MCC: variants seen among roughly 807,000 people sequenced by gnomAD.
MCC encodes the protein MCC regulator of Wnt signaling pathway.
Under a neutral mutation model 116.2 loss-of-function variants are expected in MCC, and 90 were observed. The ratio of observed to expected loss-of-function variants is 0.77; its 90% CI spans 0.65 to 0.92. MCC has a LOEUF of 0.92. MCC is among the 40% of genes least tolerant of loss of function. The pLI, the probability that MCC is intolerant of heterozygous loss-of-function variation, is 0.00. For missense variants in MCC, 1,516 were observed against 1,312.2 expected, an observed-to-expected ratio of 1.16 and a Z score of -2.40; for synonymous variants, 578 against 510.5, an observed-to-expected ratio of 1.13 and a Z score of -1.78.
chr5:113,126,101 C>G lies in MCC; in HGVS notation c.885-3275G>C, dbSNP rs570377185. Among the ~76,000 whole-genome samples the G allele has an allele frequency of 2.0e-5, 3 of 152,280 alleles. No homozygotes were observed. The South Asian group carries it at 6.2e-4, about 32-fold the overall frequency. On this transcript the variant is annotated intron_variant, in intron 5 of 18. Transcript: ENST00000408903. ...ACATAAAGGGTCAACTCACAGGATT[C>G]CAAATGCATATTCTTTCATTCATGT... is the stretch of plus-strand genomic sequence containing the variant.
chr5:113,267,281 T>C (rs1026280292), intron 3 of MCC, among the ~76,000 whole-genome samples: 1 of 152,042 alleles, frequency 6.6e-6, no homozygotes, highest in Non-Finnish European at 1.5e-5. Flanking sequence ...CCCAAGAGAC[T>C]CTTGGGTCTG....
intron 3 of MCC, among the ~76,000 whole-genome samples, chr5:113,334,032 T>G (rs927462948): frequency 6.9e-6 from 1 of 145,356 alleles, no homozygotes; most frequent in Non-Finnish European, 1.5e-5. Context: ...TGTACATCAA[T>G]TAATACTTTT....
chr5:113,043,378 G>C (rs928554109), intron 17 of MCC, 152 bp downstream of exon 17: 17 of 691,290 alleles, frequency 2.5e-5, no homozygotes, highest in Non-Finnish European at 4.1e-5. Flanking sequence ...GAAAGGCCTG[G>C]CACCAACAGG....
intron 1 of MCC, chr5:113,399,967 G>C (rs1051836299): frequency 1.3e-5 from 2 of 152,046 alleles, no homozygotes; most frequent in East Asian, 3.9e-4. Flanking sequence ...ATGACTAAAA[G>C]CCAACATTCA....
At chr5:113,268,413 C>T (rs1349585947) in intron 3 of MCC, among the ~76,000 whole-genome samples, 1 of 152,136 alleles carries the variant, frequency 6.6e-6, no homozygotes, top group Non-Finnish European at 1.5e-5. Flanking sequence ...TAGGATGTAC[C>T]ACTGTCATCA....
chr5:113,428,970 G>C (rs1421103419), intron 1 of MCC, among the ~76,000 whole-genome samples: 1 of 152,136 alleles, frequency 6.6e-6, no homozygotes. Context: ...TAATAACCTA[G>C]ACCTATTAAG....
At chr5:113,201,766 T>C (rs1762690334) in intron 3 of MCC, among the ~76,000 whole-genome samples, 1 of 152,192 alleles carries the variant, frequency 6.6e-6, no homozygotes, top group South Asian at 2.1e-4. Context: ...CAAGACAACA[T>C]GCCTTTCTCC....
chr5:113,048,873 G>T (rs1029313432), intron 16 of MCC: 74 of 591,936 alleles, frequency 1.3e-4, no homozygotes, highest in South Asian at 5.9e-4. Context: ...ATGTGAAAAG[G>T]TTCAACTATT....
At chr5:113,362,019 T>C (rs900953058) in intron 2 of MCC, among the ~76,000 whole-genome samples, 3 of 152,222 alleles carry the variant, frequency 2.0e-5, no homozygotes, top group Admixed American at 2.0e-4. Context: ...GTGGGGCTTC[T>C]CAGACTCCAT....
chr5:113,118,734 T>G lies in MCC; in HGVS notation c.1027+3950A>C, dbSNP rs367999780. ...TGGTGCTTACATATGGAAGCTTTTT[T>G]CCTGTTGAAAAAATTTAATTGGAAA... On this transcript the variant is annotated intron_variant, in intron 6 of 18. Coordinates refer to ENST00000408903, the MANE Select transcript of MCC (RefSeq NM_001085377.2). 1.6e-4 allele frequency among the ~76,000 whole-genome samples: 24 copies of G among 152,336 alleles called. No individual in the cohort carries two copies. The East Asian group carries it at 4.6e-3, about 29-fold the overall frequency.
intron 1 of MCC, among the ~76,000 whole-genome samples, chr5:113,409,311 C>A (rs1421691281): frequency 6.6e-6 from 1 of 152,082 alleles, no homozygotes; most frequent in Non-Finnish European, 1.5e-5. Context: ...TTCTCATAAA[C>A]AACAAAAACG....
intron 2 of MCC, among the ~76,000 whole-genome samples, chr5:113,377,121 C>A (rs775277022): frequency 1.3e-5 from 2 of 152,166 alleles, no homozygotes; most frequent in Non-Finnish European, 2.9e-5. Context: ...TCCTTTGAAT[C>A]CATCCATGCT....
At chr5:113,230,419 T>C (rs983888559) in intron 3 of MCC, among the ~76,000 whole-genome samples, 5 of 152,196 alleles carry the variant, frequency 3.3e-5, no homozygotes, top group African/African-American at 1.2e-4. Flanking sequence ...CAATGTGATA[T>C]CACAAATGTT....
At chr5:113,470,968 G>C (rs191044115) in intron 1 of MCC, among the ~76,000 whole-genome samples, 1 of 152,228 alleles carries the variant, frequency 6.6e-6, no homozygotes, top group Admixed American at 6.5e-5. Context: ...CCAGTTGATT[G>C]CATCGGCTAC....
intron 1 of MCC, among the ~76,000 whole-genome samples, chr5:113,394,674 C>T (rs1769482237): frequency 2.6e-5 from 4 of 152,202 alleles, no homozygotes; most frequent in Admixed American, 2.6e-4. Context: ...ACTTGAACAG[C>T]GTCTCCTTCA....
chr5:113,424,487 G>C (rs1474980736), intron 1 of MCC, among the ~76,000 whole-genome samples: 1 of 152,152 alleles, frequency 6.6e-6, no homozygotes. Flanking sequence ...GGCCAAGGCG[G>C]GTGGATCACT....
At chr5:113,143,070 TAGA>T (rs1345023940) in intron 5 of MCC, 145 bp downstream of exon 5, 6 of 837,480 alleles carry the variant, frequency 7.2e-6, no homozygotes, top group Non-Finnish European at 3.5e-6. Context: ...TCAAAAGCCT[TAGA>T]TACAAAGAAA....
chr5:113,154,330 T>G (rs1760050345), intron 3 of MCC, among the ~76,000 whole-genome samples: 1 of 152,250 alleles, frequency 6.6e-6, no homozygotes, highest in African/African-American at 2.4e-5. Context: ...TGTCTCTTAC[T>G]GTTACTGACA....
chr5:113,455,740 G>A (rs892905502), intron 1 of MCC, among the ~76,000 whole-genome samples: 2 of 152,284 alleles, frequency 1.3e-5, no homozygotes, highest in Admixed American at 6.5e-5. Flanking sequence ...CCAAATATGA[G>A]CAATCATACT....
Sources: gnomAD v4.1 joint callset for allele counts (sites outside exome capture counted in the v4.1 genomes callset) on GRCh38, gnomAD v4.1.1 for gene constraint, MANE v1.5 for transcripts, NCBI Gene and HGNC (gene_info 2026-07-23, HGNC 2026-07-21) for gene names.